Variants in FTO observed in about 807,000 individuals in gnomAD.
FTO encodes FTO alpha-ketoglutarate dependent dioxygenase, also known as alpha-ketoglutarate-dependent dioxygenase FTO.
Under a neutral mutation model 63.9 loss-of-function variants are expected in FTO, and 47 were observed. The observed-to-expected ratio is 0.74, with a 90% CI of 0.58 to 0.94. The LOEUF is 0.94. Among genes scored for constraint, FTO ranks in the 40% least tolerant of loss-of-function variants. FTO has a pLI of 0.00. For synonymous variants in FTO, 207 were observed against 224.4 expected (o/e 0.92, Z 0.69); for missense variants, 562 against 618.1 (o/e 0.91, Z 0.96).
At chr16:53,931,636 T>C (rs781232057) in intron 7 of FTO, among the ~76,000 whole-genome samples, 2 of 152,106 alleles carry the variant, frequency 1.3e-5, no homozygotes, top group African/African-American at 2.4e-5. Context: ...TTGAGGTTCC[T>C]TTCAACTTTA....
At chr16:53,944,462 C>T in intron 8 of FTO, among the ~76,000 whole-genome samples, 1 of 152,192 alleles carries the variant, frequency 6.6e-6, no homozygotes. Flanking sequence ...GAGGATAGGT[C>T]ATTGTATAAA....
chr16:53,756,843 C>T (rs2076934801), intron 1 of FTO, among the ~76,000 whole-genome samples: 1 of 152,172 alleles, frequency 6.6e-6, no homozygotes, highest in African/African-American at 2.4e-5. Flanking sequence ...TCTTTGTGTA[C>T]TCAGAGCATT....
intron 7 of FTO, among the ~76,000 whole-genome samples, chr16:53,928,079 T>C (rs2082190689): frequency 6.6e-6 from 1 of 152,110 alleles, no homozygotes; most frequent in African/African-American, 2.4e-5. Flanking sequence ...ATTATCACCA[T>C]TTGGAGTTAT....
chr16:53,959,398 G>A (rs1015221385), intron 8 of FTO, among the ~76,000 whole-genome samples: 1 of 152,170 alleles, frequency 6.6e-6, no homozygotes, highest in African/African-American at 2.4e-5. Flanking sequence ...TATGCCAAGT[G>A]GGAAGAGCAC....
chr16:54,108,638 G>A (rs561997869), intron 8 of FTO, among the ~76,000 whole-genome samples: 1 of 152,292 alleles, frequency 6.6e-6, no homozygotes, highest in South Asian at 2.1e-4. Flanking sequence ...TAGAAGTAAC[G>A]ATAGTGGTAA....
intron 1 of FTO, among the ~76,000 whole-genome samples, chr16:53,748,051 C>T (rs1447320562): frequency 6.6e-6 from 1 of 152,138 alleles, no homozygotes; most frequent in Non-Finnish European, 1.5e-5. Flanking sequence ...GTTTTAATTA[C>T]TATTGCTTTG....
intron 1 of FTO, among the ~76,000 whole-genome samples, chr16:53,753,325 A>G (rs952087433): frequency 2.0e-5 from 3 of 151,926 alleles, no homozygotes; most frequent in Admixed American, 6.6e-5. Flanking sequence ...CAGTGTGGGC[A>G]TTTATTTGAT....
intron 8 of FTO, among the ~76,000 whole-genome samples, chr16:54,050,532 A>G (rs2085286489): frequency 6.6e-6 from 1 of 152,144 alleles, no homozygotes; most frequent in Non-Finnish European, 1.5e-5. Context: ...CTTTGGGTGA[A>G]AGATTATCCA....
intron 6 of FTO, among the ~76,000 whole-genome samples, chr16:53,885,905 A>C (rs185023959): frequency 1.3e-5 from 2 of 152,130 alleles, no homozygotes; most frequent in Admixed American, 1.3e-4. Context: ...GTGCCACCAC[A>C]ACCATCTAAC....
chr16:53,922,356 C>T (rs543301069), intron 7 of FTO, among the ~76,000 whole-genome samples: 9 of 152,106 alleles, frequency 5.9e-5, no homozygotes, highest in Non-Finnish European at 1.0e-4. Flanking sequence ...GTTGTTAGCT[C>T]ATTTTAGCAG....
intron 1 of FTO, among the ~76,000 whole-genome samples, chr16:53,730,927 T>C (rs2076257015): frequency 6.6e-6 from 1 of 152,224 alleles, no homozygotes; most frequent in South Asian, 2.1e-4. Context: ...TAATGCTGTG[T>C]TGAGTCAGTG....
intron 8 of FTO, among the ~76,000 whole-genome samples, chr16:53,938,545 T>A (rs986439549): frequency 2.7e-4 from 41 of 152,212 alleles, no homozygotes; most frequent in Admixed American, 2.6e-3. Context: ...TTTCATTCAG[T>A]GAGCATCTTT....
intron 8 of FTO, among the ~76,000 whole-genome samples, chr16:54,101,250 A>G (rs1026986685): frequency 7.9e-5 from 12 of 152,170 alleles, no homozygotes; most frequent in African/African-American, 2.9e-4. Context: ...CCAGTACCCA[A>G]TAGCTATCTT....
At chr16:53,970,577 C>T (rs1450819176) in intron 8 of FTO, among the ~76,000 whole-genome samples, 2 of 134,294 alleles carry the variant, frequency 1.5e-5, no homozygotes, top group Non-Finnish European at 3.1e-5. Flanking sequence ...GGCAACAGGG[C>T]GAGACTCCAT....
rs376527078 is a variant in FTO, at chr16:53,934,019, G to T, written c.1274G>T (p.Gly425Val). ...GTGCTTCATGAAGTTAAAAGAGAGG[G>T]GCTCCCCGTGGAACAAAGGAATGAA... is the stretch of plus-strand genomic sequence containing the variant. ...NAVLHEVKRE[G>V]LPVEQRNEIL... Residue 425 changes from glycine (G) to valine (V), a missense_variant, in exon 8 of 9, where the codon GGG becomes GTG. Physicochemically the swap from Gly to Val is moderately radical, Grantham distance 109. Coordinates refer to ENST00000471389, the MANE Select transcript of FTO (RefSeq NM_001080432.3). The T allele has an allele frequency of 1.1e-5, 17 of 1,613,786 alleles. No homozygotes were observed. The African/African-American group carries it at 2.3e-4, about 22-fold the overall frequency.
chr16:53,876,166 C>CA (rs1390385521), intron 5 of FTO, among the ~76,000 whole-genome samples: 2 of 152,038 alleles, frequency 1.3e-5, no homozygotes, highest in Non-Finnish European at 2.9e-5. Context: ...CTCCTCAGGC[C>CA]AACCAGCCCC....
Position 53,816,097 on chromosome 16 carries a change from C to A in FTO, c.123+5880C>A, listed in dbSNP as rs116533668. On this transcript the variant is annotated intron_variant, in intron 2 of 8. Coordinates refer to ENST00000471389, the MANE Select transcript of FTO (RefSeq NM_001080432.3). Reference sequence around the variant, plus strand: ...CTCTTATCCTTCCTTGCCTTTGTGCCCACTAGTACTCTCTTCCCTTTTCTG... The same window carrying A: ...CTCTTATCCTTCCTTGCCTTTGTGCACACTAGTACTCTCTTCCCTTTTCTG... Among the ~76,000 whole-genome samples the A allele has an allele frequency of 1.9e-3, 288 of 152,186 alleles. 1 individual carries two copies. The highest frequency in any genetic ancestry group is 6.7e-3 in the African/African-American group (280 of 41,510).
intron 7 of FTO, among the ~76,000 whole-genome samples, chr16:53,917,365 C>G (rs113198829): frequency 9.2e-5 from 14 of 152,280 alleles, no homozygotes; most frequent in African/African-American, 3.4e-4. Context: ...CTTATCAGCT[C>G]TGTGATCTGA....
chr16:53,981,796 A>C (rs2083551681), intron 8 of FTO: 1 of 152,704 alleles, frequency 6.5e-6, no homozygotes, highest in Non-Finnish European at 1.5e-5. Flanking sequence ...CTGCAATCCC[A>C]GCTCGTCATG....
Sources: allele counts gnomAD v4.1 joint callset (sites outside exome capture counted in the v4.1 genomes callset), GRCh38; gene constraint gnomAD v4.1.1; transcripts MANE v1.5; gene names NCBI Gene and HGNC (gene_info 2026-07-23, HGNC 2026-07-21).